The following AGTPBP1 variants were observed in gnomAD, a reference collection of about 807,000 sequenced individuals.
AGTPBP1 encodes the protein ATP/GTP binding carboxypeptidase 1.
AGTPBP1 carries 70 observed loss-of-function variants against 143.9 expected under a neutral mutation model. The ratio of observed to expected loss-of-function variants is 0.49; its 90% CI spans 0.40 to 0.59. The LOEUF (loss-of-function observed/expected upper bound fraction) is 0.59, where lower values mean the gene tolerates loss of function less well. Ranked by LOEUF, AGTPBP1 falls within the 20% of genes least tolerant of loss-of-function variation. The pLI is 0.00. For missense variants in AGTPBP1, 1,229 were observed against 1,464.5 expected (o/e 0.84, Z 2.62); for synonymous variants, 463 against 500.2 (o/e 0.93, Z 0.99).
chr9:85,673,412 C>T (rs1254144482), intron 6 of AGTPBP1, among the ~76,000 whole-genome samples: 5 of 151,858 alleles, frequency 3.3e-5, no homozygotes, highest in South Asian at 2.1e-4. Flanking sequence ...TTAATATGAA[C>T]CATATTCTTT....
chr9:85,662,910 G>A (rs924111820), intron 8 of AGTPBP1, among the ~76,000 whole-genome samples: 10 of 151,714 alleles, frequency 6.6e-5, no homozygotes, highest in Non-Finnish European at 8.9e-5. Context: ...TGGAATGGCT[G>A]TTTAAGATAC....
intron 20 of AGTPBP1, among the ~76,000 whole-genome samples, 154 bp downstream of exon 20, chr9:85,589,374 T>A (rs144950191): frequency 3.0e-4 from 45 of 152,118 alleles, no homozygotes; most frequent in African/African-American, 1.1e-3. Context: ...GGCCCAGAGG[T>A]GGGCTCATGG....
chr9:85,758,133 G>A, the AGTPBP1 span, among the ~76,000 whole-genome samples: 8 of 151,914 alleles, frequency 5.3e-5, no homozygotes, highest in East Asian at 5.8e-4. Flanking sequence ...TCTGCTTTTC[G>A]ATACCTGACT....
chr9:85,626,138 A>C (rs761961195), intron 14 of AGTPBP1, among the ~76,000 whole-genome samples: 38 of 152,132 alleles, frequency 2.5e-4, no homozygotes, highest in Non-Finnish European at 4.1e-4. Flanking sequence ...AGGTTTAAGT[A>C]ATCATCAGTG....
chr9:85,620,435 A>C (rs1214693112), intron 15 of AGTPBP1, among the ~76,000 whole-genome samples: 1 of 151,954 alleles, frequency 6.6e-6, no homozygotes, highest in Non-Finnish European at 1.5e-5. Context: ...AAAAAAAAAA[A>C]AAAAGGTGTT....
At chr9:85,777,032 A>C in the AGTPBP1 span, among the ~76,000 whole-genome samples, 1 of 152,140 alleles carries the variant, frequency 6.6e-6, no homozygotes, top group Non-Finnish European at 1.5e-5. Flanking sequence ...GTGACTTCAA[A>C]AGGCCATTCC....
At chr9:85,567,393 C>T (rs1270569339) in intron 25 of AGTPBP1, among the ~76,000 whole-genome samples, 1 of 152,052 alleles carries the variant, frequency 6.6e-6, no homozygotes, top group Admixed American at 6.6e-5. Flanking sequence ...GAGTTCAAGA[C>T]CAGCCTGGCC....
chr9:85,663,879 AAC>A (rs1209738451), intron 8 of AGTPBP1, among the ~76,000 whole-genome samples: 1 of 152,174 alleles, frequency 6.6e-6, no homozygotes, highest in Non-Finnish European at 1.5e-5. Flanking sequence ...CTTTATTTGT[AAC>A]AGTCAAAAAC....
chr9:85,569,448 AG>A (rs1267220730), intron 25 of AGTPBP1, among the ~76,000 whole-genome samples: 3 of 152,146 alleles, frequency 2.0e-5, no homozygotes, highest in Admixed American at 6.5e-5. Context: ...TAAGGAAAAA[AG>A]TTTTGCCAAC....
At chr9:85,702,156 T>C (rs529686915) in intron 2 of AGTPBP1, among the ~76,000 whole-genome samples, 2 of 152,326 alleles carry the variant, frequency 1.3e-5, no homozygotes, top group African/African-American at 4.8e-5. Flanking sequence ...TCTCCCTCCA[T>C]GCACTCAACC....
the AGTPBP1 span, among the ~76,000 whole-genome samples, chr9:85,804,226 A>T: frequency 1.3e-5 from 2 of 151,492 alleles, no homozygotes; most frequent in Non-Finnish European, 2.9e-5. Context: ...TAGGCCCCAT[A>T]CTCCTTTGTC....
intron 1 of AGTPBP1, among the ~76,000 whole-genome samples, chr9:85,716,636 C>G (rs1481113507): frequency 6.6e-6 from 1 of 152,168 alleles, no homozygotes; most frequent in African/African-American, 2.4e-5. Flanking sequence ...AGAATCTGAT[C>G]ACTTTACCAC....
At chr9:85,805,350 T>G in the AGTPBP1 span, 1 of 150,270 alleles carries the variant, frequency 6.7e-6, no homozygotes, top group Non-Finnish European at 1.5e-5. Flanking sequence ...GCAGCTGCGC[T>G]CTTCCCGCCC....
intron 4 of AGTPBP1, among the ~76,000 whole-genome samples, chr9:85,679,363 G>A (rs570079186): frequency 6.6e-6 from 1 of 151,896 alleles, no homozygotes; most frequent in African/African-American, 2.4e-5. Context: ...CATGGTTTTT[G>A]AAGTGTTTTT....
the AGTPBP1 span, among the ~76,000 whole-genome samples, chr9:85,771,594 A>C: frequency 6.6e-6 from 1 of 151,960 alleles, no homozygotes; most frequent in Non-Finnish European, 1.5e-5. Flanking sequence ...ATGAGAGTGC[A>C]TCCTATTGCT....
chr9:85,778,422 TGC>T, the AGTPBP1 span, among the ~76,000 whole-genome samples: 7 of 152,198 alleles, frequency 4.6e-5, no homozygotes, highest in Admixed American at 3.9e-4. Flanking sequence ...TATGGGGGTC[TGC>T]GAGAGGCTCC....
intron 17 of AGTPBP1, among the ~76,000 whole-genome samples, chr9:85,612,810 T>G (rs1830394976): frequency 6.6e-6 from 1 of 151,786 alleles, no homozygotes; most frequent in Admixed American, 6.6e-5. Flanking sequence ...CTGGAATGTG[T>G]GGAGAAAATA....
intron 2 of AGTPBP1, among the ~76,000 whole-genome samples, chr9:85,699,317 T>C (rs1218756420): frequency 6.6e-6 from 1 of 152,142 alleles, no homozygotes; most frequent in East Asian, 1.9e-4. Flanking sequence ...ATCACTCAAA[T>C]ATTTGTTTCA....
At chr9:85,561,288 G>T (rs545295999) in intron 25 of AGTPBP1, among the ~76,000 whole-genome samples, 1 of 151,584 alleles carries the variant, frequency 6.6e-6, no homozygotes, top group African/African-American at 2.4e-5. Flanking sequence ...CTTGAACCTG[G>T]GAGGCAGGAG....
Sources: gnomAD v4.1 joint callset for allele counts (sites outside exome capture counted in the v4.1 genomes callset) on GRCh38, gnomAD v4.1.1 for gene constraint, MANE v1.5 for transcripts, NCBI Gene and HGNC (gene_info 2026-07-23, HGNC 2026-07-21) for gene names.